Variants in SEC22C observed in about 807,000 individuals in gnomAD.
The protein encoded by SEC22C is vesicle-trafficking protein SEC22c.
Under a neutral mutation model 34.7 loss-of-function variants are expected in SEC22C, and 29 were observed. The observed-to-expected ratio is 0.84, with a 90% confidence interval of 0.62 to 1.14. The LOEUF is 1.14. SEC22C is among the 50% of genes most tolerant of loss of function. The pLI is 0.00. For missense variants in SEC22C, 337 were observed against 369.0 expected (o/e 0.91, Z 0.71); for synonymous variants, 117 against 132.8 (o/e 0.88, Z 0.82).
intron 1 of SEC22C, chr3:42,594,337 C>G: frequency 1.3e-5 from 13 of 1,037,354 alleles, no homozygotes; most frequent in Non-Finnish European, 2.0e-5. Flanking sequence ...AGCCATTCCA[C>G]TAGAGTGGGT....
intron 1 of SEC22C, chr3:42,600,934 G>T: frequency 8.8e-7 from 1 of 1,140,830 alleles, no homozygotes. Flanking sequence ...CCCTGCCCTC[G>T]CCCCCGCCCT....
At chr3:42,584,670 T>G (rs1704551926), upstream of SEC22C, among the ~76,000 whole-genome samples, 1 of 152,208 alleles carries the variant, frequency 6.6e-6, no homozygotes, top group Non-Finnish European at 1.5e-5. Context: ...CAGTCTAAGA[T>G]AGCCTCCAGG....
chr3:42,563,149 A>G (rs2125706301), intron 3 of SEC22C, among the ~76,000 whole-genome samples: 1 of 152,356 alleles, frequency 6.6e-6, no homozygotes, highest in East Asian at 1.9e-4. Flanking sequence ...GTCGTGGGGC[A>G]AAAGCAGCCA....
At position 42,566,445 on chromosome 3, in the gene SEC22C, G is replaced by A. The variant is rs1703246429; in HGVS notation, c.182+2420C>T. On this transcript the variant is annotated intron_variant, in intron 2 of 6. Coordinates refer to ENST00000264454, the MANE Select transcript of SEC22C (RefSeq NM_032970.4). ...TAATCCCAGCACTTTGGGAGGCCGA[G>A]GCAGGAGAATCACGAGGTTAGGAGC... is the stretch of plus-strand genomic sequence containing the variant. 2.0e-5 allele frequency among the ~76,000 whole-genome samples: 3 copies of A among 152,150 alleles called. No homozygotes were observed. In the South Asian group the frequency reaches 6.2e-4, roughly 31 times the overall value.
Position 42,548,867 on chromosome 3 carries a change from A to G in SEC22C, c.*4381T>C. The G allele has an allele frequency of 7.2e-7, 1 of 1,386,086 alleles. No individual in the cohort carries two copies. Among genetic ancestry groups the G allele is most frequent in the Non-Finnish European group, 9.4e-7 (1 of 1,069,220 alleles). 85.9% of individuals were successfully genotyped at this position (1,386,086 alleles called of 1,614,324 possible). ...AGAAAAACCTTCATGTACCAGGTGA[A>G]TGTAAAGCCTTTCTCCTCCCACACA... On this transcript the variant is annotated 3_prime_UTR_variant, in exon 7 of 7. Transcript: ENST00000264454.
chr3:42,552,936 T>G lies in SEC22C; in HGVS notation c.*312A>C. The G allele has an allele frequency of 8.8e-7, 1 of 1,133,310 alleles. No homozygotes were observed. Among genetic ancestry groups the G allele is most frequent in the Non-Finnish European group, 1.1e-6 (1 of 920,922 alleles). The allele number at this position is 1,133,310 out of a possible 1,614,324, so 70.2% of individuals were successfully genotyped here. On this transcript the variant is annotated 3_prime_UTR_variant, in exon 7 of 7. Transcript: ENST00000264454. Reference sequence around the variant, plus strand: ...CAAGTGGTTTACTGTATCATTCAACTTAAAAGACCAAAATATTTCCTTTCT... The same window carrying G: ...CAAGTGGTTTACTGTATCATTCAACGTAAAAGACCAAAATATTTCCTTTCT...
At chr3:42,582,623 G>A (rs1240362268), upstream of SEC22C, among the ~76,000 whole-genome samples, 1 of 152,238 alleles carries the variant, frequency 6.6e-6, no homozygotes, top group Non-Finnish European at 1.5e-5. Context: ...TGTTAAGAGA[G>A]GAGGCAGGGT....
rs1353943292 is a variant in SEC22C at position 42,548,566 on chromosome 3, C to T, written c.*4682G>A. On this transcript the variant is annotated 3_prime_UTR_variant, in exon 7 of 7. Transcript: ENST00000264454. ...GCAGCAGAAGTTTGACATCACTGCT[C>T]CCGGATGGGAGAATCAGAGCTCTCC... 1.9e-6 allele frequency: 3 copies of T among 1,608,294 alleles called. No individual in the cohort carries two copies. In the South Asian group the frequency reaches 3.3e-5, roughly 18 times the overall value.
At chr3:42,559,815 G>A (rs1327890935) in intron 4 of SEC22C, among the ~76,000 whole-genome samples, 2 of 152,082 alleles carry the variant, frequency 1.3e-5, no homozygotes, top group Non-Finnish European at 2.9e-5. Flanking sequence ...ATCATACTTT[G>A]TTATGTGATA....
intron 1 of SEC22C, among the ~76,000 whole-genome samples, chr3:42,600,019 G>A (rs1201582267): frequency 6.6e-6 from 1 of 152,122 alleles, no homozygotes; most frequent in Non-Finnish European, 1.5e-5. Context: ...AAAAGACTTC[G>A]CAATCATTTA....
chr3:42,594,420 A>C (rs1704967711), intron 1 of SEC22C: 7 of 1,610,666 alleles, frequency 4.3e-6, no homozygotes, highest in Non-Finnish European at 5.9e-6. Flanking sequence ...TTTTGCCCAT[A>C]GGTACCAGCA....
rs373686559 is a variant in SEC22C at position 42,561,166 on chromosome 3, A to T, written c.477T>A (p.Asp159Glu). Residue 159 changes from aspartate to glutamate, a missense_variant, in exon 4 of 7, where the codon GAT (aspartate) becomes GAA (glutamate). Transcript: ENST00000264454. ...PPAVLTLEDT[D>E]VANGVMNGHT... is the part of the protein sequence containing the mutation. ...GACCATTCATCACCCCATTTGCCAC[A>T]TCTGTGTCCTCCAGAGTGAGAACCG... The T allele has an allele frequency of 3.1e-6, 5 of 1,614,058 alleles. No individual in the cohort carries two copies. The highest frequency in any genetic ancestry group is 3.4e-6 in the Non-Finnish European group (4 of 1,180,044).
intron 1 of SEC22C, among the ~76,000 whole-genome samples, chr3:42,597,969 A>G (rs1282905603): frequency 4.6e-5 from 7 of 152,232 alleles, no homozygotes; most frequent in African/African-American, 1.4e-4. Flanking sequence ...AACTTTGTGC[A>G]CTGCTGATGG....
chr3:42,597,931 G>A (rs564043190), intron 1 of SEC22C, among the ~76,000 whole-genome samples: 4 of 152,304 alleles, frequency 2.6e-5, no homozygotes, highest in Admixed American at 2.6e-4. Context: ...AAAATAACAA[G>A]TGTTGGTGAT....
chr3:42,558,039 T>A (rs1702639461), intron 4 of SEC22C, among the ~76,000 whole-genome samples: 1 of 152,220 alleles, frequency 6.6e-6, no homozygotes, highest in Non-Finnish European at 1.5e-5. Flanking sequence ...TCTGGAGTCA[T>A]TTCTGGTTGT....
At chr3:42,576,473 A>G (rs149624028) in intron 1 of SEC22C, among the ~76,000 whole-genome samples, 5 of 152,274 alleles carry the variant, frequency 3.3e-5, no homozygotes, top group East Asian at 3.9e-4. Context: ...AACAATGAAC[A>G]TATAGAAACC....
At chr3:42,600,196 G>A (rs1705228905) in intron 1 of SEC22C, among the ~76,000 whole-genome samples, 1 of 152,178 alleles carries the variant, frequency 6.6e-6, no homozygotes, top group Non-Finnish European at 1.5e-5. Context: ...CGGTGCCAGT[G>A]ACGCTGGTGC....
At chr3:42,600,861 C>A in intron 1 of SEC22C, 1 of 552,670 alleles carries the variant, frequency 1.8e-6, no homozygotes, top group Non-Finnish European at 2.9e-6. Flanking sequence ...TGGCCTCCTG[C>A]GCTGTCGCGA....
In SEC22C at chr3:42,552,029, C is replaced by T. The variant is rs765055403; in HGVS notation, c.*1219G>A. The T allele has an allele frequency of 3.6e-5, 35 of 985,254 alleles. No individual in the cohort carries two copies. Among genetic ancestry groups the T allele is most frequent in the Non-Finnish European group, 4.0e-5 (33 of 829,928 alleles). 61.0% of individuals were successfully genotyped at this position (985,254 alleles called of 1,614,324 possible). A position where few individuals can be genotyped will look rare whatever the true frequency, so the allele number is the denominator to read the frequency against. ...AGCAAACTCCCAAAATGACCTCCTG[C>T]GTGGTACAAAACAAGCCAGGCTGAA... On this transcript the variant is annotated 3_prime_UTR_variant, in exon 7 of 7. Coordinates refer to ENST00000264454, the MANE Select transcript of SEC22C (RefSeq NM_032970.4).
Sources: allele counts gnomAD v4.1 joint callset (sites outside exome capture counted in the v4.1 genomes callset), GRCh38; gene constraint gnomAD v4.1.1; transcripts MANE v1.5; gene names NCBI Gene and HGNC (gene_info 2026-07-23, HGNC 2026-07-21).